The following ATP5MC2 variants were observed in gnomAD, a reference collection of about 807,000 sequenced individuals.
ATP5MC2 encodes the protein ATP synthase F(0) complex subunit C2, mitochondrial.
ATP5MC2 carries 11 observed loss-of-function variants against 13.5 expected under a neutral mutation model. The observed-to-expected ratio is 0.81, with a 90% CI of 0.51 to 1.35. The LOEUF (loss-of-function observed/expected upper bound fraction) is 1.35. ATP5MC2 is among the 40% of genes most tolerant of loss of function. ATP5MC2 has a pLI of 0.00. For synonymous variants in ATP5MC2, 64 were observed against 69.7 expected, an observed-to-expected ratio of 0.92 and a Z score of 0.41; for missense variants, 132 against 175.0, an observed-to-expected ratio of 0.75 and a Z score of 1.39.
chr12:53,667,989 A>G lies in ATP5MC2; in HGVS notation c.311+1159T>C, dbSNP rs1210448560. On this transcript the variant is annotated intron_variant, in intron 4 of 4. Coordinates refer to ENST00000394349, the MANE Select transcript of ATP5MC2 (RefSeq NM_005176.7). The stretch of plus-strand genomic sequence containing the variant: ...TATATATATATATATATATATATAT[A>G]TATATAAATTTTTTTTTTTTTGATG... Among the ~76,000 whole-genome samples the G allele has an allele frequency of 4.1e-3, 327 of 79,196 alleles. 2 individuals are homozygous for G. Among genetic ancestry groups the G allele is most frequent in the African/African-American group, 0.019 (308 of 15,924 alleles). 52.0% of individuals were successfully genotyped at this position (79,196 alleles called of 152,430 possible).
chr12:53,669,971 G>A (rs1283155128), intron 2 of ATP5MC2, 23 bp from the exon 3 acceptor site: 1 of 1,611,770 alleles, frequency 6.2e-7, no homozygotes, highest in African/African-American at 1.3e-5. Flanking sequence ...ACATACAGGG[G>A]CAGGAAGGTC....
intron 4 of ATP5MC2, 64 bp from the exon 5 acceptor site, chr12:53,665,492 A>C: frequency 3.8e-6 from 5 of 1,313,786 alleles, no homozygotes; most frequent in Non-Finnish European, 1.1e-6. Context: ...ATAAATATCT[A>C]AGATGGGCTC....
chr12:53,665,935 C>T (rs547917297), intron 4 of ATP5MC2, among the ~76,000 whole-genome samples: 16 of 152,296 alleles, frequency 1.1e-4, no homozygotes, highest in Admixed American at 1.0e-3. Context: ...TATGGAACAC[C>T]GCTCTTCTAG....
At chr12:53,676,248 T>A (rs1945271579), upstream of ATP5MC2, 1 of 1,588,810 alleles carries the variant, frequency 6.3e-7, no homozygotes, top group Admixed American at 1.8e-5. Context: ...CCACCTGGCG[T>A]TCGAGAGGAG....
upstream of ATP5MC2, chr12:53,676,322 G>T: frequency 7.2e-7 from 1 of 1,391,860 alleles, no homozygotes; most frequent in Non-Finnish European, 9.7e-7. Context: ...GATCCGTAAC[G>T]TGGACTGCGG....
rs571677617 is a variant in ATP5MC2 at position 53,668,397 on chromosome 12, G to A, written c.311+751C>T. On this transcript the variant is annotated intron_variant, in intron 4 of 4. Transcript: ENST00000394349. ...CAGCTCACTGCAACCTCCACCTCCC[G>A]GGTTCAAGCGATTCTTCTGCCTCAG... Among the ~76,000 whole-genome samples, 16 of 151,616 alleles carry A rather than the reference G, an allele frequency of 1.1e-4. No homozygotes were observed. The South Asian group carries it at 2.9e-3, about 28-fold the overall frequency.
intron 4 of ATP5MC2, among the ~76,000 whole-genome samples, chr12:53,666,600 A>G (rs565797676): frequency 4.6e-5 from 7 of 150,852 alleles, no homozygotes; most frequent in African/African-American, 1.5e-4. Flanking sequence ...GAAAGAAAAA[A>G]AATACAAAAA....
In ATP5MC2 at chr12:53,669,162, G is replaced by T; in HGVS notation, c.297C>A (p.Ile99=). 1 of 1,610,792 alleles carries T rather than the reference G, an allele frequency of 6.2e-7. No homozygotes were observed. The highest frequency in any genetic ancestry group is 8.5e-7 in the Non-Finnish European group (1 of 1,178,516). Residue 99 remains isoleucine, a synonymous_variant, in exon 4 of 5, where the codon ATC becomes ATA. Transcript: ENST00000394349. The part of the protein sequence containing the change: ...AGIGTVFGSL[I]IGYARNPSLK... ...ACTTATCTTACCTGGCATAACCAAT[G>T]ATGAGGCTCCCAAACACAGTTCCAA...
At chr12:53,667,965 A>ATATATATG (rs1326179391) in intron 4 of ATP5MC2, among the ~76,000 whole-genome samples, 3 of 44,226 alleles carry the variant, frequency 6.8e-5, no homozygotes, top group Non-Finnish European at 1.2e-4. Context: ...ACATATATAT[A>ATATATATG]TATATATATA....
chr12:53,668,517 CTGGT>C (rs1945000784), intron 4 of ATP5MC2, among the ~76,000 whole-genome samples: 1 of 150,000 alleles, frequency 6.7e-6, no homozygotes, highest in Non-Finnish European at 1.5e-5. Flanking sequence ...GTTGGCCAGG[CTGGT>C]CTCGAACTCC....
chr12:53,677,321 C>G (rs1945302423), upstream of ATP5MC2: 2 of 152,218 alleles, frequency 1.3e-5, no homozygotes, highest in Non-Finnish European at 2.9e-5. Flanking sequence ...ACAGGCACAC[C>G]CCGGCCGGCG....
At chr12:53,675,949 C>G in intron 1 of ATP5MC2, 104 bp downstream of exon 1, 1 of 1,480,518 alleles carries the variant, frequency 6.8e-7, no homozygotes, top group Admixed American at 2.3e-5. Flanking sequence ...GCGAGAGGAC[C>G]AGGGTGGGAG....
intron 1 of ATP5MC2, 48 bp downstream of exon 1, chr12:53,676,005 C>A: frequency 6.3e-7 from 1 of 1,597,258 alleles, no homozygotes; most frequent in Non-Finnish European, 8.5e-7. Context: ...GTGAGGTGTC[C>A]CGCGCGCGTG....
intron 4 of ATP5MC2, among the ~76,000 whole-genome samples, chr12:53,666,185 TGTA>T (rs1313793915): frequency 6.6e-6 from 1 of 152,140 alleles, no homozygotes; most frequent in Admixed American, 6.6e-5. Flanking sequence ...GGCTCACGCC[TGTA>T]ATCCCAGCAC....
At chr12:53,674,145 G>C (rs1945197456) in intron 1 of ATP5MC2, 1 of 151,880 alleles carries the variant, frequency 6.6e-6, no homozygotes, top group Non-Finnish European at 1.5e-5. Context: ...CCAGGAGTTT[G>C]AGACCAGCCT....
chr12:53,667,958 T>TAC (rs1565625194), intron 4 of ATP5MC2, among the ~76,000 whole-genome samples: 1 of 14,168 alleles, frequency 7.1e-5, no homozygotes, highest in African/African-American at 3.3e-4. Context: ...TACACACACA[T>TAC]ATATATATAT....
rs1224925185 is a variant in ATP5MC2, at chr12:53,672,697, C to A, written c.-31-52G>T. 3.3e-6 allele frequency: 5 copies of A among 1,514,390 alleles called. No individual in the cohort carries two copies. In the Middle Eastern group the frequency reaches 7.2e-4, roughly 218 times the overall value. 93.8% of individuals were successfully genotyped at this position (1,514,390 alleles called of 1,614,324 possible). ...ACGCTCCTTATTCACTAAACTATAT[C>A]CTTATTAGCAGAAAAGGGGCCCTAG... On this transcript the variant is annotated intron_variant, in intron 1 of 4. Coordinates refer to ENST00000394349, the MANE Select transcript of ATP5MC2 (RefSeq NM_005176.7).
At chr12:53,674,091 G>C (rs547526188) in intron 1 of ATP5MC2, 5 of 152,186 alleles carry the variant, frequency 3.3e-5, no homozygotes, top group African/African-American at 1.2e-4. Context: ...GCTCATTCCT[G>C]TAATCCCAAC....
intron 2 of ATP5MC2, 174 bp from the exon 3 acceptor site, chr12:53,670,122 A>G: frequency 1.5e-6 from 1 of 662,896 alleles, no homozygotes; most frequent in South Asian, 1.5e-5. Context: ...AGTCTAAATT[A>G]AAGAACCACA....
Sources: gnomAD v4.1 joint callset for allele counts (sites outside exome capture counted in the v4.1 genomes callset) on GRCh38, gnomAD v4.1.1 for gene constraint, MANE v1.5 for transcripts, NCBI Gene and HGNC (gene_info 2026-07-23, HGNC 2026-07-21) for gene names.